MYO10: variants seen among roughly 807,000 people sequenced by gnomAD.
MYO10 encodes myosin X.
A neutral mutation model predicts 257.3 loss-of-function variants in MYO10; 133 were observed. The observed-to-expected ratio is 0.52, with a 90% CI of 0.45 to 0.60. MYO10 has a LOEUF of 0.60. Ranked by LOEUF, MYO10 falls within the 20% of genes least tolerant of loss-of-function variation. MYO10 has a pLI of 0.00. For missense variants in MYO10, 2,399 were observed against 2,635.7 expected (o/e 0.91, Z 1.97); for synonymous variants, 1,104 against 1,028.6 (o/e 1.07, Z -1.40).
chr5:16,919,450 T>C (rs1399076982), intron 1 of MYO10, among the ~76,000 whole-genome samples: 2 of 151,412 alleles, frequency 1.3e-5, no homozygotes, highest in Non-Finnish European at 2.9e-5. Flanking sequence ...TTCATGGAGC[T>C]AGAGCTCTCT....
intron 2 of MYO10, among the ~76,000 whole-genome samples, chr5:16,870,024 G>C (rs1744406782): frequency 6.6e-6 from 1 of 151,300 alleles, no homozygotes; most frequent in South Asian, 2.1e-4. Context: ...GTGATCTCCT[G>C]ACACCCCGTG....
chr5:16,687,826 T>A lies in MYO10; in HGVS notation c.3897-1995A>T, dbSNP rs116113975. Among the ~76,000 whole-genome samples the A allele has an allele frequency of 7.3e-3, 1,117 of 152,162 alleles. 5 individuals carry two copies. Among genetic ancestry groups the A allele is most frequent in the Non-Finnish European group, 0.01 (683 of 67,988 alleles). The stretch of plus-strand genomic sequence containing the variant: ...CATTGCTTTGCTCATCTCAAAAATA[T>A]CCCAAATTAAACATTGAAAAAGACA... On this transcript the variant is annotated intron_variant, in intron 28 of 40. Coordinates refer to ENST00000513610, the MANE Select transcript of MYO10 (RefSeq NM_012334.3).
In MYO10 at chr5:16,670,541, C is replaced by A. The variant is rs781778319; in HGVS notation, c.5868G>T (p.Thr1956=). 1.2e-6 allele frequency: 2 copies of A among 1,607,588 alleles called. No homozygotes were observed. Among genetic ancestry groups the A allele is most frequent in the East Asian group, 2.2e-5 (1 of 44,824 alleles). The change falls in exon 39 of 41, where the codon ACG becomes ACT. Residue 1956 remains threonine (T), a synonymous_variant. Transcript: ENST00000513610. ...CAGTTCTCACCTCCACATCAAACAGCGTCGAGCCATAGCCAGGCCACTCCT... is the reference window on the plus strand; with the variant it reads ...CAGTTCTCACCTCCACATCAAACAGAGTCGAGCCATAGCCAGGCCACTCCT... The part of the protein sequence containing the change: ...LIKEWPGYGS[T]LFDVECKEGG...
At chr5:16,677,433 T>TTTTTTTTTTTTGTG (rs1363770924) in intron 33 of MYO10, among the ~76,000 whole-genome samples, 1 of 145,256 alleles carries the variant, frequency 6.9e-6, no homozygotes. Flanking sequence ...TTTTTTTTTT[T>TTTTTTTTTTTTGTG]GAGACGGAGT....
chr5:16,670,725 G>C lies in MYO10; in HGVS notation c.5684C>G (p.Thr1895Arg), dbSNP rs778937404. The C allele has an allele frequency of 3.1e-6, 5 of 1,614,038 alleles. No homozygotes were observed. Among genetic ancestry groups the C allele is most frequent in the Non-Finnish European group, 4.2e-6 (5 of 1,179,896 alleles). Residue 1895 changes from threonine to arginine, a missense_variant, in exon 39 of 41, where the codon ACA becomes AGA. Physicochemically the swap from Thr to Arg is moderately conservative, Grantham distance 71. Transcript: ENST00000513610. ...LEGTLRRSFR[T>R]GSVVRQKVEE... ...GACCTTCTGCCGGACCACGGATCCT[G>C]TCCGGAAGCTCCGCCTCAGGGTCCC...
At chr5:16,756,943 A>G (rs564732763) in intron 18 of MYO10, among the ~76,000 whole-genome samples, 2 of 152,066 alleles carry the variant, frequency 1.3e-5, no homozygotes, top group African/African-American at 4.8e-5. Context: ...TCAGTAAAAC[A>G]TCTAAAAATT....
Position 16,758,160 on chromosome 5 carries a change from A to C in MYO10, c.1806T>G (p.Cys602Trp), listed in dbSNP as rs1449178470. The C allele has an allele frequency of 1.2e-6, 2 of 1,613,684 alleles. No homozygotes were observed. The highest frequency in any genetic ancestry group is 2.7e-5 in the African/African-American group (2 of 74,920). Reference sequence around the variant, plus strand: ...CTGTAGGCCGCCGATGTTTGCTTCCACATTTCAAGGTATCCTGGTTGTTGC... The same window carrying C: ...CTGTAGGCCGCCGATGTTTGCTTCCCCATTTCAAGGTATCCTGGTTGTTGC... ...SSRNNQDTLK[C>W]GSKHRRPTVS... is the part of the protein sequence containing the mutation. The change falls in exon 18 of 41, where the codon TGT (cysteine) becomes TGG (tryptophan). Residue 602 changes from cysteine (C) to tryptophan (W), a missense_variant. Physicochemically the swap from Cys to Trp is radical, Grantham distance 215 (BLOSUM62 -2). Coordinates refer to ENST00000513610, the MANE Select transcript of MYO10 (RefSeq NM_012334.3).
At chr5:16,747,201 T>A (rs1262431570) in intron 19 of MYO10, among the ~76,000 whole-genome samples, 1 of 152,102 alleles carries the variant, frequency 6.6e-6, no homozygotes, top group South Asian at 2.1e-4. Flanking sequence ...CGAAGGAGCA[T>A]GTCAGCATAA....
chr5:16,754,111 G>A (rs976828544), intron 19 of MYO10, among the ~76,000 whole-genome samples: 1 of 152,106 alleles, frequency 6.6e-6, no homozygotes, highest in Non-Finnish European at 1.5e-5. Context: ...CACATAAGAA[G>A]CATTCCTAAG....
Position 16,670,549 on chromosome 5 carries a change from C to G in MYO10, c.5860G>C (p.Gly1954Arg). 1.2e-6 allele frequency: 2 copies of G among 1,612,102 alleles called. No homozygotes were observed. Among genetic ancestry groups the G allele is most frequent in the Non-Finnish European group, 1.7e-6 (2 of 1,178,698 alleles). ...ACCTCCACATCAAACAGCGTCGAGC[C>G]ATAGCCAGGCCACTCCTTGATCAAG... Reference protein sequence around the residue: ...MALIKEWPGYGSTLFDVECKE... With the variant: ...MALIKEWPGYRSTLFDVECKE... The change falls in exon 39 of 41, where the codon GGC becomes CGC. Residue 1954 changes from glycine (G) to arginine (R), a missense_variant. Around this residue, in one of 3 missense-constraint regions of MYO10, gnomAD observed 1,820 missense variants for 1,939.4 expected, o/e 0.94. Coordinates refer to ENST00000513610, the MANE Select transcript of MYO10 (RefSeq NM_012334.3).
At position 16,701,880 on chromosome 5, in the gene MYO10, A is replaced by G. The variant is rs1045080382; in HGVS notation, c.2557-42T>C. ...GGGAGATTTCAGAAGGCTTCAGTAC[A>G]AAAGTCCAAGCATAGCTCCCGCTTT... On this transcript the variant is annotated intron_variant, in intron 24 of 40. Coordinates refer to ENST00000513610, the MANE Select transcript of MYO10 (RefSeq NM_012334.3). The surrounding 1 kb of genome is among the most constrained non-coding windows in gnomAD (Gnocchi z 8.1). 9.7e-6 allele frequency: 15 copies of G among 1,543,384 alleles called. No homozygotes were observed. Among genetic ancestry groups the G allele is most frequent in the Non-Finnish European group, 1.3e-5 (15 of 1,151,772 alleles).
At chr5:16,847,013 G>A (rs925055961) in intron 2 of MYO10, among the ~76,000 whole-genome samples, 6 of 152,130 alleles carry the variant, frequency 3.9e-5, no homozygotes, top group Non-Finnish European at 5.9e-5. Context: ...AGCTATGCGG[G>A]AGGTTACGGC....
At chr5:16,903,801 A>G (rs948886088) in intron 1 of MYO10, among the ~76,000 whole-genome samples, 1 of 152,242 alleles carries the variant, frequency 6.6e-6, no homozygotes, top group African/African-American at 2.4e-5. Context: ...GAGGAATGAC[A>G]TAAGAAGTGC....
intron 19 of MYO10, among the ~76,000 whole-genome samples, chr5:16,726,076 G>A (rs528440043): frequency 5.3e-5 from 8 of 152,234 alleles, no homozygotes; most frequent in Admixed American, 2.6e-4. Context: ...GTAAGCCACC[G>A]TGCCCAGCCC....
At chr5:16,726,551 C>G (rs1312481563) in intron 19 of MYO10, among the ~76,000 whole-genome samples, 1 of 152,144 alleles carries the variant, frequency 6.6e-6, no homozygotes, top group Admixed American at 6.5e-5. Flanking sequence ...CACAGCTGAG[C>G]TTCAAATCCA....
chr5:16,891,320 A>AAAGGAAGGAAGGAAGGAAGGAAGGAAGG (rs59008302), intron 1 of MYO10, among the ~76,000 whole-genome samples: 8 of 88,102 alleles, frequency 9.1e-5, no homozygotes, highest in South Asian at 4.2e-4. Context: ...GGAGAAGAGA[A>AAAGGAAGGAAGGAAGGAAGGAAGGAAGG]AAGGAAGGAA....
chr5:16,837,407 A>T (rs901859460), intron 2 of MYO10, among the ~76,000 whole-genome samples: 1 of 152,228 alleles, frequency 6.6e-6, no homozygotes, highest in Non-Finnish European at 1.5e-5. Flanking sequence ...CATTTACATA[A>T]TATGTCCAGA....
At position 16,761,545 on chromosome 5, in the gene MYO10, A is replaced by G. The variant is rs530558377; in HGVS notation, c.1658T>C (p.Val553Ala). 1 of 1,610,076 alleles carries G rather than the reference A, an allele frequency of 6.2e-7. No homozygotes were observed. The highest frequency in any genetic ancestry group is 1.1e-5 in the South Asian group (1 of 90,960). Residue 553 changes from valine to alanine, a missense_variant and splice_region_variant, in exon 17 of 41, where the codon GTG becomes GCG. Around this residue, in one of 3 missense-constraint regions of MYO10, gnomAD observed 337 missense variants for 446.8 expected, o/e 0.75. Transcript: ENST00000513610. ...NFGVKHYAGE[V>A]QYDVRGILEK... is the part of the protein sequence containing the mutation. ...CAAGATACCTCGGACATCATATTGC[A>G]CCTAGTTTTAATAAATAAGAGAGGA...
intron 9 of MYO10, among the ~76,000 whole-genome samples, chr5:16,769,628 C>A (rs1398600308): frequency 6.6e-6 from 1 of 152,160 alleles, no homozygotes; most frequent in Non-Finnish European, 1.5e-5. Flanking sequence ...GCGTGAGCCA[C>A]CGCGCCCGCC....
Sources: gnomAD v4.1 joint callset for allele counts (sites outside exome capture counted in the v4.1 genomes callset) on GRCh38, gnomAD v4.1.1 for gene constraint, gnomAD v4.1.1 regional missense constraint, Gnocchi (gnomAD v3.1) non-coding constraint, MANE v1.5 for transcripts, NCBI Gene and HGNC (gene_info 2026-07-23, HGNC 2026-07-21) for gene names.